The following SPINDOC variants were observed in gnomAD, a reference collection of about 807,000 sequenced individuals.
SPINDOC encodes the protein spindlin interactor and repressor of chromatin-binding protein.
SPINDOC carries 13 observed loss-of-function variants against 30.7 expected under a neutral mutation model. The observed-to-expected ratio is 0.42, with a 90% CI of 0.28 to 0.67. The LOEUF (loss-of-function observed/expected upper bound fraction) is 0.67, where lower values mean the gene tolerates loss of function less well. Ranked by LOEUF, SPINDOC falls within the 30% of genes least tolerant of loss-of-function variation. SPINDOC has a pLI of 0.22. For missense variants in SPINDOC, 438 were observed against 518.0 expected (o/e 0.85, Z 1.50); for synonymous variants, 228 against 211.4 (o/e 1.08, Z -0.68).
Position 63,818,406 on chromosome 11 carries a change from G to A in SPINDOC, c.607+41G>A. ...AGCCAGTGAGCCCCGGTGGAGGTGG[G>A]GGTTTGGGGACAGGGTGAAATACAG... On this transcript the variant is annotated intron_variant, in intron 3 of 5. Coordinates refer to ENST00000294244, the MANE Select transcript of SPINDOC (RefSeq NM_138471.3). This position sits in a 1 kb window ranked among gnomAD's most constrained non-coding sequence, Gnocchi z 5.3. 1 of 1,609,932 alleles carries A rather than the reference G, an allele frequency of 6.2e-7. No homozygotes were observed. Among genetic ancestry groups the A allele is most frequent in the Non-Finnish European group, 8.5e-7 (1 of 1,178,070 alleles).
At chr11:63,822,686 G>C in intron 5 of SPINDOC, 1 of 1,288,802 alleles carries the variant, frequency 7.8e-7, no homozygotes, top group South Asian at 1.2e-5. Context: ...GTGCTGCTTG[G>C]ACTTGAGCGT....
At chr11:63,813,974 C>G (rs1443210873) in intron 1 of SPINDOC, among the ~76,000 whole-genome samples, 161 bp downstream of exon 1, 1 of 152,198 alleles carries the variant, frequency 6.6e-6, no homozygotes, top group Non-Finnish European at 1.5e-5. Context: ...GCTCTTGCAC[C>G]TCCCCCACCA....
chr11:63,814,446 G>A (rs1258466022), intron 1 of SPINDOC, among the ~76,000 whole-genome samples: 2 of 152,172 alleles, frequency 1.3e-5, no homozygotes, highest in Non-Finnish European at 2.9e-5. Flanking sequence ...GTGCTAGAAC[G>A]AGATTAGCTT....
chr11:63,817,742 G>T, intron 1 of SPINDOC, 63 bp from the exon 2 acceptor site: 1 of 1,391,932 alleles, frequency 7.2e-7, no homozygotes, highest in Non-Finnish European at 9.7e-7. Context: ...GTCTGGAGAC[G>T]TGCTAAGTGT....
Position 63,827,419 on chromosome 11 carries a change from G to T in SPINDOC, c.*280G>T. The stretch of plus-strand genomic sequence containing the variant: ...CCTTCGCTGACCCCCACCTCTGTTT[G>T]TCCCCCATGACCTCCTCCCACCCTC... On this transcript the variant is annotated 3_prime_UTR_variant, in exon 6 of 6. Transcript: ENST00000294244. The T allele has an allele frequency of 1.9e-6, 1 of 524,466 alleles. No homozygotes were observed. Among genetic ancestry groups the T allele is most frequent in the Non-Finnish European group, 3.5e-6 (1 of 289,280 alleles). 32.5% of individuals were successfully genotyped at this position (524,466 alleles called of 1,614,324 possible).
chr11:63,815,149 G>T (rs2015305212), intron 1 of SPINDOC, among the ~76,000 whole-genome samples: 2 of 152,252 alleles, frequency 1.3e-5, no homozygotes, highest in Non-Finnish European at 2.9e-5. Context: ...AGAAAGAGGA[G>T]GAATGGGTAT....
At chr11:63,826,790 C>T in intron 5 of SPINDOC, 138 bp from the exon 6 acceptor site, 1 of 619,022 alleles carries the variant, frequency 1.6e-6, no homozygotes, top group Non-Finnish European at 2.9e-6. Flanking sequence ...CTTGGGCTTC[C>T]CCTCATGCCA....
At chr11:63,823,033 C>T in intron 5 of SPINDOC, 1 of 1,051,410 alleles carries the variant, frequency 9.5e-7, no homozygotes, top group Admixed American at 2.3e-5. Flanking sequence ...ATAGAGGATA[C>T]CTCACTGGTA....
intron 5 of SPINDOC, among the ~76,000 whole-genome samples, chr11:63,823,947 G>A (rs1340364995): frequency 4.3e-5 from 6 of 140,970 alleles, no homozygotes; most frequent in Non-Finnish European, 7.6e-5. Flanking sequence ...TGCTCTTGTC[G>A]CCCAGGCTGG....
chr11:63,824,618 G>T (rs74683133), intron 5 of SPINDOC, among the ~76,000 whole-genome samples: 8,341 of 152,024 alleles, frequency 0.055, 822 homozygotes, highest in African/African-American at 0.19. Context: ...TGACATGTGT[G>T]TGCTCATAAT....
chr11:63,821,255 C>T (rs922607216), intron 5 of SPINDOC, among the ~76,000 whole-genome samples: 1 of 152,154 alleles, frequency 6.6e-6, no homozygotes, highest in Non-Finnish European at 1.5e-5. Flanking sequence ...TCTTCAAAGC[C>T]AGCAGTGGCT....
intron 1 of SPINDOC, 37 bp downstream of exon 1, chr11:63,813,850 G>T (rs938983830): frequency 2.7e-6 from 4 of 1,482,504 alleles, no homozygotes; most frequent in Non-Finnish European, 3.6e-6. Context: ...GCGTCACGGT[G>T]CGGGGCCGGG....
At position 63,813,710 on chromosome 11, in the gene SPINDOC, C is replaced by T; in HGVS notation, c.24C>T (p.Ala8=). The T allele has an allele frequency of 6.3e-7, 1 of 1,585,844 alleles. No individual in the cohort carries two copies. Among genetic ancestry groups the T allele is most frequent in the Non-Finnish European group, 8.6e-7 (1 of 1,168,852 alleles). Residue 8 remains alanine (A), a synonymous_variant, in exon 1 of 6, where the codon GCC becomes GCT. Transcript: ENST00000294244. ...CCATGGCCCTAAAGGCCGAGGGCGC[C>T]GCACTCGACTGCTTCGAGGTGACGC... MALKAEG[A]ALDCFEVTLK...
chr11:63,819,804 C>A (rs1282458122), intron 5 of SPINDOC, among the ~76,000 whole-genome samples: 2 of 152,120 alleles, frequency 1.3e-5, no homozygotes, highest in Non-Finnish European at 2.9e-5. Context: ...ACCAGGTGGG[C>A]TTTTCTTAGT....
At chr11:63,815,612 G>T (rs936438102) in intron 1 of SPINDOC, among the ~76,000 whole-genome samples, 2 of 152,180 alleles carry the variant, frequency 1.3e-5, no homozygotes, top group Admixed American at 1.3e-4. Flanking sequence ...GTAGAGAAGT[G>T]TCTAAGGACT....
At chr11:63,815,013 CAG>C (rs1305374908) in intron 1 of SPINDOC, among the ~76,000 whole-genome samples, 1 of 150,908 alleles carries the variant, frequency 6.6e-6, no homozygotes, top group East Asian at 1.9e-4. Flanking sequence ...TAGTAGTAAA[CAG>C]AGCAACCGAA....
chr11:63,821,411 C>A (rs974224474), intron 5 of SPINDOC, among the ~76,000 whole-genome samples: 19 of 152,310 alleles, frequency 1.2e-4, no homozygotes, highest in Admixed American at 3.3e-4. Flanking sequence ...TCATCTGTAA[C>A]CTTCATTCCC....
chr11:63,825,301 C>G (rs1462748719), intron 5 of SPINDOC, among the ~76,000 whole-genome samples: 1 of 152,176 alleles, frequency 6.6e-6, no homozygotes, highest in African/African-American at 2.4e-5. Flanking sequence ...CCTGGGGAAG[C>G]CAGCGTGCTC....
intron 5 of SPINDOC, chr11:63,823,002 G>A (rs1408538062): frequency 1.9e-6 from 2 of 1,051,240 alleles, no homozygotes; most frequent in Non-Finnish European, 2.6e-6. Flanking sequence ...CTTCGTGGAG[G>A]TTGGAGATGC....
Sources: allele counts gnomAD v4.1 joint callset (sites outside exome capture counted in the v4.1 genomes callset), GRCh38; gene constraint gnomAD v4.1.1; non-coding constraint Gnocchi (gnomAD v3.1); transcripts MANE v1.5; gene names NCBI Gene and HGNC (gene_info 2026-07-23, HGNC 2026-07-21).